The following FBXO6 variants were observed in gnomAD, a reference collection of about 807,000 sequenced individuals.
FBXO6 encodes the protein F-box only protein 6.
In FBXO6, 13 loss-of-function variants were observed where a neutral mutation model predicts 25.0. The ratio of observed to expected loss-of-function variants is 0.52; its 90% CI spans 0.34 to 0.83. The LOEUF (loss-of-function observed/expected upper bound fraction) is 0.83, where lower values mean the gene tolerates loss of function less well. FBXO6 is among the 40% of genes least tolerant of loss of function. FBXO6 has a pLI of 0.02. For synonymous variants in FBXO6, 138 were observed against 155.3 expected, an observed-to-expected ratio of 0.89 and a Z score of 0.83; for missense variants, 370 against 380.2, an observed-to-expected ratio of 0.97 and a Z score of 0.22.
rs577319869 is a variant in FBXO6, at chr1:11,667,666, G to A, written c.-3-990G>A. ...ACCAAAGACAGCTCAGCCGGGTGCC[G>A]TGGGGGATTCCCATGGGGTTGTTTT... On this transcript the variant is annotated intron_variant, in intron 1 of 5. Coordinates refer to ENST00000376753, the MANE Select transcript of FBXO6 (RefSeq NM_018438.6). Among the ~76,000 whole-genome samples, 23 of 152,140 alleles carry A rather than the reference G, an allele frequency of 1.5e-4. No individual in the cohort carries two copies. In the East Asian group the frequency reaches 3.7e-3, roughly 24 times the overall value.
chr1:11,673,982 T>C lies in FBXO6; in HGVS notation c.*131T>C. On this transcript the variant is annotated 3_prime_UTR_variant, in exon 6 of 6. Coordinates refer to ENST00000376753, the MANE Select transcript of FBXO6 (RefSeq NM_018438.6). The surrounding 1 kb of genome is among the most constrained non-coding windows in gnomAD (Gnocchi z 4.3). Reference sequence around the variant, plus strand: ...ACCCTACCAGCTTGTGGTAACTTACTGTCACATAGCTCTGACGTTTTGTTG... The same window carrying C: ...ACCCTACCAGCTTGTGGTAACTTACCGTCACATAGCTCTGACGTTTTGTTG... 2.6e-6 allele frequency: 2 copies of C among 758,798 alleles called. No individual in the cohort carries two copies. 47.0% of individuals were successfully genotyped at this position (758,798 alleles called of 1,614,324 possible).
chr1:11,672,135 A>T, intron 4 of FBXO6, 112 bp downstream of exon 4: 1 of 969,542 alleles, frequency 1.0e-6, no homozygotes, highest in Non-Finnish European at 1.6e-6. Context: ...AGTGCCCTGG[A>T]GCCAGGTAGC....
intron 1 of FBXO6, among the ~76,000 whole-genome samples, chr1:11,665,036 T>A (rs563429737): frequency 1.6e-5 from 2 of 122,544 alleles, no homozygotes; most frequent in South Asian, 5.3e-4. Flanking sequence ...CTTTAGAAGC[T>A]GCCAGCATTT....
Position 11,673,365 on chromosome 1 carries a change from C to A in FBXO6, c.598C>A (p.Pro200Thr), listed in dbSNP as rs775793984. The change falls in exon 5 of 6, where the codon CCC (proline) becomes ACC (threonine). Residue 200 changes from proline to threonine, a missense_variant. Physicochemically the swap from Pro to Thr is conservative, Grantham distance 38 (BLOSUM62 -1). Coordinates refer to ENST00000376753, the MANE Select transcript of FBXO6 (RefSeq NM_018438.6). This position sits in a 1 kb window ranked among gnomAD's most constrained non-coding sequence, Gnocchi z 4.3. ...ADYFVLASFE[P>T]PPVTIQQWNN... is the part of the protein sequence containing the mutation. ...CTACTTCGTGTTGGCCTCCTTCGAG[C>A]CCCCACCTGTGACCATCCAACAGTG... 4.3e-6 allele frequency: 7 copies of A among 1,614,052 alleles called. No individual in the cohort carries two copies. In the South Asian group the frequency reaches 7.7e-5, roughly 18 times the overall value.
Position 11,668,860 on chromosome 1 carries a change from T to C in FBXO6, c.202T>C (p.Trp68Arg). ...CLREGFITKD[W>R]DQPVADWKIF... ...GCGAGAGGGCTTCATCACCAAGGAC[T>C]GGGACCAGCCCGTGGCCGACTGGAA... is the stretch of plus-strand genomic sequence containing the variant. Residue 68 changes from tryptophan (W) to arginine (R), a missense_variant, in exon 2 of 6, where the codon TGG becomes CGG. Transcript: ENST00000376753. 3 of 1,614,158 alleles carry C rather than the reference T, an allele frequency of 1.9e-6. No individual in the cohort carries two copies. Among genetic ancestry groups the C allele is most frequent in the South Asian group, 1.1e-5 (1 of 91,088 alleles).
intron 1 of FBXO6, among the ~76,000 whole-genome samples, chr1:11,665,222 T>C (rs1426392597): frequency 9.3e-6 from 1 of 108,044 alleles, no homozygotes; most frequent in Admixed American, 8.7e-5. Flanking sequence ...TTTCTTTTTT[T>C]TTTTTTTTTT....
rs1262837647 is a variant in FBXO6 at position 11,674,341 on chromosome 1, T to C, written c.*490T>C. 1 of 152,924 alleles carries C rather than the reference T, an allele frequency of 6.5e-6. No individual in the cohort carries two copies. Among genetic ancestry groups the C allele is most frequent in the Non-Finnish European group, 1.5e-5 (1 of 68,692 alleles). 9.5% of individuals were successfully genotyped at this position (152,924 alleles called of 1,614,324 possible). A position where few individuals can be genotyped will look rare whatever the true frequency, so the allele number is the denominator to read the frequency against. ...TAATAATAAATAAATAAAAAATAAA[T>C]GTTTTCAGTAAAACCAGCCTGGGGT... is the stretch of plus-strand genomic sequence containing the variant. On this transcript the variant is annotated 3_prime_UTR_variant, in exon 6 of 6. Coordinates refer to ENST00000376753, the MANE Select transcript of FBXO6 (RefSeq NM_018438.6). The surrounding 1 kb of genome is among the most constrained non-coding windows in gnomAD (Gnocchi z 6.1).
At chr1:11,666,719 G>A (rs1393833698) in intron 1 of FBXO6, among the ~76,000 whole-genome samples, 1 of 152,136 alleles carries the variant, frequency 6.6e-6, no homozygotes, top group Non-Finnish European at 1.5e-5. Context: ...TACCTCACCT[G>A]TTTTCTCTGC....
chr1:11,673,999 G>A lies in FBXO6; in HGVS notation c.*148G>A, dbSNP rs571259638. The A allele has an allele frequency of 2.2e-4, 148 of 685,180 alleles. 1 individual carries two copies. The Admixed American group carries it at 3.0e-3, about 14-fold the overall frequency. 42.4% of individuals were successfully genotyped at this position (685,180 alleles called of 1,614,324 possible). A position where few individuals can be genotyped will look rare whatever the true frequency, so the allele number is the denominator to read the frequency against. On this transcript the variant is annotated 3_prime_UTR_variant, in exon 6 of 6. Transcript: ENST00000376753. This position sits in a 1 kb window ranked among gnomAD's most constrained non-coding sequence, Gnocchi z 4.3. ...TAACTTACTGTCACATAGCTCTGACGTTTTGTTGTAATAAATGTTTTCAGG... is the reference window on the plus strand; with the variant it reads ...TAACTTACTGTCACATAGCTCTGACATTTTGTTGTAATAAATGTTTTCAGG...
chr1:11,670,216 A>AG lies in FBXO6; in HGVS notation c.287-1050_287-1049insG, dbSNP rs1313719878. ...CAACAGAGCAAGACTCCGTCTCAAA[A>AG]AAAAAAAAAAAAGTGCCCTGGTGAT... On this transcript the variant is annotated intron_variant, in intron 2 of 5. Coordinates refer to ENST00000376753, the MANE Select transcript of FBXO6 (RefSeq NM_018438.6). Among the ~76,000 whole-genome samples, 113 of 151,238 alleles carry AG rather than the reference A, an allele frequency of 7.5e-4. 2 individuals are homozygous for AG. Among genetic ancestry groups the AG allele is most frequent in the African/African-American group, 2.4e-3 (99 of 41,294 alleles).
In FBXO6 at chr1:11,671,303, G is replaced by A. The variant is rs1482546229; in HGVS notation, c.324G>A (p.Gly108=). 6.2e-7 allele frequency: 1 copy of A among 1,614,104 alleles called. No homozygotes were observed. The highest frequency in any genetic ancestry group is 2.2e-5 in the East Asian group (1 of 44,878). The part of the protein sequence containing the change: ...MFAWQIDFNG[G]DRWKVESLPG... Reference sequence around the variant, plus strand: ...CATGGCAAATTGATTTCAATGGTGGGGACCGCTGGAAGGTGGAGAGCCTCC... The same window carrying A: ...CATGGCAAATTGATTTCAATGGTGGAGACCGCTGGAAGGTGGAGAGCCTCC... Residue 108 remains glycine (G), a synonymous_variant, in exon 3 of 6, where the codon GGG becomes GGA. Transcript: ENST00000376753.
rs1359180404 is a variant in FBXO6 at position 11,668,902 on chromosome 1, C to T, written c.244C>T (p.Arg82Trp). The T allele has an allele frequency of 6.2e-6, 10 of 1,613,994 alleles. No homozygotes were observed. The highest frequency in any genetic ancestry group is 1.6e-4 in the Middle Eastern group (1 of 6,084). ...CGACTGGAAAATCTTCTACTTCCTA[C>T]GGAGCCTGCATAGGAACCTCCTGCG... ...VADWKIFYFL[R>W]SLHRNLLRNP... is the part of the protein sequence containing the mutation. The change falls in exon 2 of 6, where the codon CGG (arginine) becomes TGG (tryptophan). Residue 82 changes from arginine to tryptophan, a missense_variant. Transcript: ENST00000376753.
chr1:11,673,153 A>T lies in FBXO6; in HGVS notation c.510-124A>T. The T allele has an allele frequency of 8.0e-7, 1 of 1,244,838 alleles. No homozygotes were observed. Among genetic ancestry groups the T allele is most frequent in the Non-Finnish European group, 1.1e-6 (1 of 919,036 alleles). The allele number at this position is 1,244,838 out of a possible 1,614,324, so 77.1% of individuals were successfully genotyped here. On this transcript the variant is annotated intron_variant, in intron 4 of 5. Transcript: ENST00000376753. This position sits in a 1 kb window ranked among gnomAD's most constrained non-coding sequence, Gnocchi z 4.3. Reference sequence around the variant, plus strand: ...AGCGCTGAAGCCAGCTGGGCCTTGCAGGCAGAGCAGTGTCAGCTGATGGGA... The same window carrying T: ...AGCGCTGAAGCCAGCTGGGCCTTGCTGGCAGAGCAGTGTCAGCTGATGGGA...
Position 11,673,939 on chromosome 1 carries a change from G to A in FBXO6, c.*88G>A, listed in dbSNP as rs990414701. The A allele has an allele frequency of 6.1e-6, 7 of 1,146,256 alleles. No individual in the cohort carries two copies. In the African/African-American group the frequency reaches 7.6e-5, roughly 12 times the overall value. 71.0% of individuals were successfully genotyped at this position (1,146,256 alleles called of 1,614,324 possible). On this transcript the variant is annotated 3_prime_UTR_variant, in exon 6 of 6. Transcript: ENST00000376753. The surrounding 1 kb of genome is among the most constrained non-coding windows in gnomAD (Gnocchi z 4.3). ...TGGGCAGTGAGGTCCCTGTACCAGC[G>A]ACTCCTGCCCCGGTTCAACCCTACC...
intron 3 of FBXO6, 22 bp from the exon 4 acceptor site, chr1:11,671,906 A>G (rs568406895): frequency 2.0e-4 from 327 of 1,606,272 alleles, no homozygotes; most frequent in Admixed American, 9.2e-4. Flanking sequence ...CAGGTATGCA[A>G]GCCCCCAACT....
At chr1:11,668,618 C>T (rs7513972) in intron 1 of FBXO6, 38 bp from the exon 2 acceptor site, 125,188 of 1,593,162 alleles carry the variant, frequency 0.079, 5,514 homozygotes, top group Middle Eastern at 0.12. Flanking sequence ...GAGGGCCCAC[C>T]TCCCTGGTCA....
chr1:11,664,347 CGCG>C (rs1415194389), intron 1 of FBXO6, 92 bp downstream of exon 1: 1 of 151,618 alleles, frequency 6.6e-6, no homozygotes, highest in African/African-American at 2.4e-5. Context: ...CAGCGCGTGA[CGCG>C]GCGGCGGGGC....
At chr1:11,667,377 T>C (rs1166732119) in intron 1 of FBXO6, among the ~76,000 whole-genome samples, 1 of 152,134 alleles carries the variant, frequency 6.6e-6, no homozygotes, top group African/African-American at 2.4e-5. Context: ...GTGGCACTGC[T>C]TGAAGTTTTC....
chr1:11,668,797 C>G lies in FBXO6; in HGVS notation c.139C>G (p.Leu47Val), dbSNP rs1395967132. Residue 47 changes from leucine (L) to valine (V), a missense_variant, in exon 2 of 6, where the codon CTC becomes GTC. Transcript: ENST00000376753. Reference protein sequence around the residue: ...CRLVCSLWRDLIDLMTLWKRK... With the variant: ...CRLVCSLWRDVIDLMTLWKRK... ...CCTGGTCTGCAGCCTCTGGCGGGACCTCATCGACCTCATGACCCTCTGGAA... is the reference window on the plus strand; with the variant it reads ...CCTGGTCTGCAGCCTCTGGCGGGACGTCATCGACCTCATGACCCTCTGGAA... The G allele has an allele frequency of 1.9e-6, 3 of 1,614,004 alleles. No individual in the cohort carries two copies. The highest frequency in any genetic ancestry group is 1.6e-4 in the Middle Eastern group (1 of 6,084).
Sources: allele counts gnomAD v4.1 joint callset (sites outside exome capture counted in the v4.1 genomes callset), GRCh38; gene constraint gnomAD v4.1.1; non-coding constraint Gnocchi (gnomAD v3.1); transcripts MANE v1.5; gene names NCBI Gene and HGNC (gene_info 2026-07-23, HGNC 2026-07-21).